PIAS2: variants seen among roughly 807,000 people sequenced by gnomAD.
The protein encoded by PIAS2 is E3 SUMO-protein ligase PIAS2.
PIAS2 carries 19 observed loss-of-function variants against 69.7 expected under a neutral mutation model. The observed-to-expected ratio is 0.27, with a 90% CI of 0.19 to 0.40. The LOEUF (loss-of-function observed/expected upper bound fraction) is 0.40. Among genes scored for constraint, PIAS2 ranks in the 10% least tolerant of loss-of-function variants. The pLI is 1.00. For missense variants in PIAS2, 624 were observed against 757.0 expected (o/e 0.82, Z 2.06); for synonymous variants, 261 against 263.2 (o/e 0.99, Z 0.08).
At chr18:46,823,342 C>T (rs181204895) in intron 11 of PIAS2, among the ~76,000 whole-genome samples, 10 of 152,038 alleles carry the variant, frequency 6.6e-5, no homozygotes, top group Non-Finnish European at 1.5e-4. Flanking sequence ...TCCCACTCCC[C>T]CTTCTCTTCC....
chr18:46,825,043 G>T (rs984734433), intron 11 of PIAS2, among the ~76,000 whole-genome samples: 1 of 151,618 alleles, frequency 6.6e-6, no homozygotes, highest in African/African-American at 2.4e-5. Flanking sequence ...CATAATTTCG[G>T]GGCTGTAAAT....
rs933305707 is a variant in PIAS2, at chr18:46,805,030, G to A, written c.*7403C>T. 6.6e-6 allele frequency: 1 copy of A among 152,236 alleles called. No individual in the cohort carries two copies. Among genetic ancestry groups the A allele is most frequent in the Admixed American group, 6.5e-5 (1 of 15,286 alleles). 9.4% of individuals were successfully genotyped at this position (152,236 alleles called of 1,614,324 possible). ...ATTCTCTGAAACTGGAAACAAAAAAGGATGGAGGTGGTCATAGGTGGGGAA... is the reference window on the plus strand; with the variant it reads ...ATTCTCTGAAACTGGAAACAAAAAAAGATGGAGGTGGTCATAGGTGGGGAA... On this transcript the variant is annotated 3_prime_UTR_variant, in exon 14 of 14. Transcript: ENST00000585916.
At chr18:46,909,585 G>A (rs55650860) in intron 1 of PIAS2, among the ~76,000 whole-genome samples, 1,680 of 152,276 alleles carry the variant, frequency 0.011, 17 homozygotes, top group Non-Finnish European at 0.017. Context: ...GTAGATGTTA[G>A]CAAGAAAGCT....
chr18:46,861,575 C>T (rs1460196271), intron 3 of PIAS2, among the ~76,000 whole-genome samples: 4 of 152,008 alleles, frequency 2.6e-5, no homozygotes, highest in East Asian at 1.9e-4. Flanking sequence ...AATAAGATAT[C>T]AATATTATGT....
chr18:46,840,956 C>T (rs1202481418), intron 8 of PIAS2, among the ~76,000 whole-genome samples: 1 of 151,566 alleles, frequency 6.6e-6, no homozygotes, highest in African/African-American at 2.4e-5. Flanking sequence ...TGGTTTCCAA[C>T]TCTTTTCAGC....
chr18:46,813,789 A>C (rs551845463), intron 13 of PIAS2, among the ~76,000 whole-genome samples: 1 of 152,182 alleles, frequency 6.6e-6, no homozygotes, highest in Non-Finnish European at 1.5e-5. Flanking sequence ...AATGCTTTGG[A>C]TAGATAACTG....
chr18:46,859,427 CAAAAA>C (rs55776913), intron 3 of PIAS2, among the ~76,000 whole-genome samples: 8 of 89,542 alleles, frequency 8.9e-5, no homozygotes, highest in African/African-American at 2.0e-4. Flanking sequence ...GACTCCGTCT[CAAAAA>C]AAAAAAAAAA....
intron 1 of PIAS2, among the ~76,000 whole-genome samples, chr18:46,892,962 T>C (rs1354521792): frequency 1.3e-5 from 2 of 152,142 alleles, no homozygotes; most frequent in African/African-American, 4.8e-5. Context: ...ACAATACATC[T>C]AAATTTGGAC....
At chr18:46,845,046 T>C (rs1431092497) in intron 6 of PIAS2, 1 of 342,664 alleles carries the variant, frequency 2.9e-6, no homozygotes, top group Admixed American at 4.8e-5. Flanking sequence ...TATTTCTTGA[T>C]CATTTATCAC....
chr18:46,914,309 G>GC (rs762916691), intron 1 of PIAS2, among the ~76,000 whole-genome samples: 3 of 152,044 alleles, frequency 2.0e-5, no homozygotes, highest in Non-Finnish European at 4.4e-5. Context: ...TTGACTCTAA[G>GC]CCCCCGGCTA....
chr18:46,846,355 G>A lies in PIAS2; in HGVS notation c.861+352C>T, dbSNP rs146565542. ...ACATTTAACCATTTCTCCCCCAAAC[G>A]GATAAAACTTTCTTTGTTCCTCTTC... On this transcript the variant is annotated intron_variant, in intron 6 of 13. Transcript: ENST00000585916. 6.4e-3 allele frequency: 1,038 copies of A among 161,228 alleles called. 7 individuals are homozygous for A. Among genetic ancestry groups the A allele is most frequent in the Non-Finnish European group, 0.011 (794 of 74,378 alleles). 10.0% of individuals were successfully genotyped at this position (161,228 alleles called of 1,614,324 possible).
At chr18:46,863,306 T>A (rs1336140881) in intron 3 of PIAS2, among the ~76,000 whole-genome samples, 1 of 152,148 alleles carries the variant, frequency 6.6e-6, no homozygotes, top group Non-Finnish European at 1.5e-5. Context: ...TATAAATTCT[T>A]TTTATATTGC....
At chr18:46,835,245 A>C (rs1390479029) in intron 9 of PIAS2, among the ~76,000 whole-genome samples, 1 of 152,226 alleles carries the variant, frequency 6.6e-6, no homozygotes, top group Non-Finnish European at 1.5e-5. Flanking sequence ...GAAAGTGATA[A>C]AACAACTGTG....
rs1197028458 is a variant in PIAS2 at position 46,806,996 on chromosome 18, C to T, written c.*5437G>A. On this transcript the variant is annotated 3_prime_UTR_variant, in exon 14 of 14. Transcript: ENST00000585916. ...TGTTTTTTTCTTTCCCTGCAGCTAC[C>T]CTTATTGGAAACATAAGGGAATATA... The T allele has an allele frequency of 6.6e-6, 1 of 151,908 alleles. No homozygotes were observed. Among genetic ancestry groups the T allele is most frequent in the Non-Finnish European group, 1.5e-5 (1 of 68,012 alleles). 9.4% of individuals were successfully genotyped at this position (151,908 alleles called of 1,614,324 possible). A position where few individuals can be genotyped will look rare whatever the true frequency, so the allele number is the denominator to read the frequency against.
chr18:46,852,604 C>T (rs1479410076), intron 5 of PIAS2: 1 of 152,146 alleles, frequency 6.6e-6, no homozygotes, highest in Non-Finnish European at 1.5e-5. Flanking sequence ...TAACAATGCC[C>T]CAGAGGAAGT....
chr18:46,814,627 G>A (rs752842017), intron 13 of PIAS2, among the ~76,000 whole-genome samples: 6 of 152,126 alleles, frequency 3.9e-5, no homozygotes, highest in Non-Finnish European at 5.9e-5. Flanking sequence ...GCAGTGACCC[G>A]TGGTTCTTCC....
intron 2 of PIAS2, among the ~76,000 whole-genome samples, chr18:46,873,765 T>C (rs1277530431): frequency 6.6e-6 from 1 of 152,168 alleles, no homozygotes; most frequent in Non-Finnish European, 1.5e-5. Context: ...ATTGTTCATG[T>C]CCCAGGACAC....
At chr18:46,870,725 G>A (rs962962291) in intron 2 of PIAS2, among the ~76,000 whole-genome samples, 1 of 151,042 alleles carries the variant, frequency 6.6e-6, no homozygotes, top group Non-Finnish European at 1.5e-5. Flanking sequence ...CTGTATACTT[G>A]GGCAGAGTTA....
intron 1 of PIAS2, among the ~76,000 whole-genome samples, chr18:46,901,521 G>A (rs1024128051): frequency 1.3e-5 from 2 of 152,078 alleles, no homozygotes; most frequent in African/African-American, 4.8e-5. Context: ...AAACACCATG[G>A]TCATTATGCA....
Sources: allele counts gnomAD v4.1 joint callset (sites outside exome capture counted in the v4.1 genomes callset), GRCh38; gene constraint gnomAD v4.1.1; transcripts MANE v1.5; gene names NCBI Gene and HGNC (gene_info 2026-07-23, HGNC 2026-07-21).